RAB6A: variants seen among roughly 807,000 people sequenced by gnomAD.
The protein encoded by RAB6A is RAB6A, member RAS oncogene family, also known as ras-related protein Rab-6A.
In RAB6A, 8 loss-of-function variants were observed where a neutral mutation model predicts 32.3. The ratio of observed to expected loss-of-function variants is 0.25; its 90% CI spans 0.15 to 0.45. The LOEUF is 0.45. Among genes scored for constraint, RAB6A ranks in the 20% least tolerant of loss-of-function variants. The pLI is 1.00. For missense variants in RAB6A, 104 were observed against 249.4 expected (o/e 0.42, Z 3.93); for synonymous variants, 73 against 82.1 (o/e 0.89, Z 0.60).
intron 6 of RAB6A, among the ~76,000 whole-genome samples, chr11:73,705,773 A>T (rs1226292744): frequency 7.1e-6 from 1 of 140,062 alleles, no homozygotes; most frequent in African/African-American, 2.5e-5. Context: ...CCGATGAGAG[A>T]GAGAGAGAGA....
chr11:73,731,743 CACAT>C (rs10567988), intron 1 of RAB6A, among the ~76,000 whole-genome samples: 10,122 of 110,962 alleles, frequency 0.091, 828 homozygotes, highest in East Asian at 0.14. Flanking sequence ...CACACACACA[CACAT>C]ATTTTCTTTT....
At chr11:73,693,600 G>C (rs1352542498) in intron 6 of RAB6A, among the ~76,000 whole-genome samples, 2 of 145,564 alleles carry the variant, frequency 1.4e-5, no homozygotes, top group African/African-American at 5.1e-5. Flanking sequence ...AAAAGAAAGC[G>C]ACAGGCTGGG....
At chr11:73,686,511 C>T (rs573181230) in intron 6 of RAB6A, among the ~76,000 whole-genome samples, 48 of 151,922 alleles carry the variant, frequency 3.2e-4, no homozygotes, top group Middle Eastern at 3.4e-3. Context: ...CCAGAGATCG[C>T]GCCACTGCAC....
chr11:73,716,535 A>G (rs547117089), intron 4 of RAB6A, among the ~76,000 whole-genome samples, 173 bp from the exon 5 acceptor site: 1 of 152,370 alleles, frequency 6.6e-6, no homozygotes, highest in East Asian at 1.9e-4. Flanking sequence ...ACTGTCAGCA[A>G]TTTAAACAAA....
At chr11:73,679,869 C>G (rs994574941) in intron 6 of RAB6A, 149 bp from the exon 7 acceptor site, 2 of 947,998 alleles carry the variant, frequency 2.1e-6, no homozygotes, top group Non-Finnish European at 3.2e-6. Flanking sequence ...CCGAGGTGGG[C>G]AGATCACTTG....
chr11:73,684,535 C>G (rs1465358436), intron 6 of RAB6A, among the ~76,000 whole-genome samples: 3 of 152,196 alleles, frequency 2.0e-5, no homozygotes, highest in Non-Finnish European at 4.4e-5. Flanking sequence ...AAACATAACT[C>G]ACACACATTG....
intron 1 of RAB6A, among the ~76,000 whole-genome samples, chr11:73,753,434 G>T (rs570766508): frequency 6.6e-6 from 1 of 151,486 alleles, no homozygotes; most frequent in Non-Finnish European, 1.5e-5. Context: ...AGACCTCGCC[G>T]GGCACAGTGG....
chr11:73,732,528 G>C (rs1262390248), intron 1 of RAB6A, among the ~76,000 whole-genome samples: 1 of 152,186 alleles, frequency 6.6e-6, no homozygotes, highest in East Asian at 1.9e-4. Flanking sequence ...AGAGCTTGCA[G>C]TGAGTCGAGA....
chr11:73,739,482 T>G (rs914662806), intron 1 of RAB6A, among the ~76,000 whole-genome samples: 5 of 150,050 alleles, frequency 3.3e-5, no homozygotes, highest in African/African-American at 1.2e-4. Context: ...TGATTTTTTA[T>G]TTTTTATTTT....
At chr11:73,698,608 T>C (rs1041398589) in intron 6 of RAB6A, among the ~76,000 whole-genome samples, 7 of 152,260 alleles carry the variant, frequency 4.6e-5, no homozygotes, top group Admixed American at 2.6e-4. Context: ...ACTCGTAGGA[T>C]TGTTACATAG....
chr11:73,684,031 C>G (rs912339487), intron 6 of RAB6A, among the ~76,000 whole-genome samples: 17 of 152,224 alleles, frequency 1.1e-4, no homozygotes, highest in African/African-American at 3.9e-4. Context: ...CTACTACCCT[C>G]ATCGGTCAGC....
At chr11:73,739,284 A>AAAATATATATAT (rs1208877325) in intron 1 of RAB6A, among the ~76,000 whole-genome samples, 2 of 6,760 alleles carry the variant, frequency 3.0e-4, no homozygotes, top group Admixed American at 3.4e-3. Flanking sequence ...AAAAAAAAAA[A>AAAATATATATAT]ATATATATAT....
chr11:73,700,198 A>C (rs1358331190), intron 6 of RAB6A, among the ~76,000 whole-genome samples: 1 of 152,226 alleles, frequency 6.6e-6, no homozygotes, highest in African/African-American at 2.4e-5. Flanking sequence ...ACTAATTCCC[A>C]GATGAAAAGC....
chr11:73,722,846 G>A (rs1017772661), intron 2 of RAB6A, among the ~76,000 whole-genome samples: 1 of 152,048 alleles, frequency 6.6e-6, no homozygotes, highest in Non-Finnish European at 1.5e-5. Context: ...TCGCTCAGTC[G>A]CCCAGGCTGG....
At chr11:73,741,149 A>AC (rs757302440) in intron 1 of RAB6A, among the ~76,000 whole-genome samples, 7 of 140,370 alleles carry the variant, frequency 5.0e-5, no homozygotes, top group Admixed American at 7.2e-5. Flanking sequence ...CCTTCCCCCC[A>AC]CCCCCCCAAC....
intron 3 of RAB6A, among the ~76,000 whole-genome samples, chr11:73,720,337 C>T (rs973350253): frequency 3.3e-5 from 5 of 151,864 alleles, no homozygotes; most frequent in African/African-American, 4.8e-5. Flanking sequence ...CCCGCCACCA[C>T]GCCTGGCTAA....
intron 6 of RAB6A, among the ~76,000 whole-genome samples, chr11:73,706,343 G>A (rs1026266177): frequency 1.3e-5 from 2 of 151,690 alleles, no homozygotes; most frequent in African/African-American, 4.8e-5. Flanking sequence ...GTGAAACCCC[G>A]TCTCTACTAA....
intron 5 of RAB6A, among the ~76,000 whole-genome samples, chr11:73,708,644 T>C (rs543910063): frequency 2.0e-5 from 3 of 152,220 alleles, no homozygotes; most frequent in Non-Finnish European, 2.9e-5. Flanking sequence ...TCATTTATAT[T>C]GGTATTCCTA....
At chr11:73,713,190 G>T (rs1945992649) in intron 5 of RAB6A, among the ~76,000 whole-genome samples, 2 of 152,134 alleles carry the variant, frequency 1.3e-5, no homozygotes, top group South Asian at 4.1e-4. Context: ...TAAATCCAAT[G>T]GTTAATTCTC....
Sources: gnomAD v4.1 joint callset for allele counts (sites outside exome capture counted in the v4.1 genomes callset) on GRCh38, gnomAD v4.1.1 for gene constraint, MANE v1.5 for transcripts, NCBI Gene and HGNC (gene_info 2026-07-23, HGNC 2026-07-21) for gene names.